The following PCNX1 variants were observed in gnomAD, a reference collection of about 807,000 sequenced individuals.
The protein encoded by PCNX1 is pecanex-like protein 1.
A neutral mutation model predicts 242.2 loss-of-function variants in PCNX1; 78 were observed. The observed-to-expected ratio is 0.32, with a 90% CI of 0.27 to 0.39. The LOEUF is 0.39. Ranked by LOEUF, PCNX1 falls within the 10% of genes least tolerant of loss-of-function variation. The pLI is 1.00. For synonymous variants in PCNX1, 1,024 were observed against 1,032.9 expected, an observed-to-expected ratio of 0.99 and a Z score of 0.17; for missense variants, 2,581 against 2,856.5, an observed-to-expected ratio of 0.90 and a Z score of 2.20.
At chr14:70,933,985 A>G (rs2056902844) in intron 1 of PCNX1, among the ~76,000 whole-genome samples, 1 of 152,244 alleles carries the variant, frequency 6.6e-6, no homozygotes, top group South Asian at 2.1e-4. Context: ...TGAAGGAGAT[A>G]GTGAAAGTTA....
At chr14:71,095,745 A>T (rs775220696) in intron 30 of PCNX1, among the ~76,000 whole-genome samples, 1 of 152,202 alleles carries the variant, frequency 6.6e-6, no homozygotes, top group Non-Finnish European at 1.5e-5. Flanking sequence ...GGCACCTCAC[A>T]GTTTTCAATG....
intron 28 of PCNX1, among the ~76,000 whole-genome samples, chr14:71,079,128 C>T (rs1240436595): frequency 6.6e-6 from 1 of 152,182 alleles, no homozygotes; most frequent in Admixed American, 6.5e-5. Flanking sequence ...TGTTAGTTTG[C>T]TAAGAATGAT....
intron 26 of PCNX1, among the ~76,000 whole-genome samples, chr14:71,063,556 C>T (rs1052797528): frequency 1.2e-4 from 18 of 152,246 alleles, no homozygotes; most frequent in African/African-American, 2.4e-4. Flanking sequence ...CTCTTGCTCA[C>T]ATGTTGATGT....
chr14:70,952,363 A>G (rs1042329732), intron 2 of PCNX1, among the ~76,000 whole-genome samples: 1 of 152,338 alleles, frequency 6.6e-6, no homozygotes, highest in East Asian at 1.9e-4. Context: ...GAAATAAAAC[A>G]TTATAAAAAT....
chr14:71,011,505 C>A lies in PCNX1; in HGVS notation c.2734C>A (p.His912Asn). 1 of 1,566,472 alleles carries A rather than the reference C, an allele frequency of 6.4e-7. No homozygotes were observed. Among genetic ancestry groups the A allele is most frequent in the Non-Finnish European group, 8.8e-7 (1 of 1,138,748 alleles). The change falls in exon 10 of 36, where the codon CAT becomes AAT. Residue 912 changes from histidine (H) to asparagine (N), a missense_variant. By Grantham distance (68) the His-to-Asn change is moderately conservative. Coordinates refer to ENST00000304743, the MANE Select transcript of PCNX1 (RefSeq NM_014982.3). ...ATTTTATTTTAGTGACACAGATTCT[C>A]ATGTATCCAGTTCTACCTCAGTTCG... is the stretch of plus-strand genomic sequence containing the variant. Reference protein sequence around the residue: ...RASNICDTDSHVSSSTSVRFY... With the variant: ...RASNICDTDSNVSSSTSVRFY...
chr14:70,955,876 GA>G (rs2057974327), intron 2 of PCNX1, among the ~76,000 whole-genome samples: 1 of 151,916 alleles, frequency 6.6e-6, no homozygotes, highest in African/African-American at 2.4e-5. Context: ...TTTTTTAAAT[GA>G]AAACCCCTGT....
At chr14:70,908,289 G>T (rs1399450034) in intron 1 of PCNX1, among the ~76,000 whole-genome samples, 1 of 152,138 alleles carries the variant, frequency 6.6e-6, no homozygotes, top group East Asian at 1.9e-4. Context: ...TCCCTCCTGC[G>T]GCCACTCGGC....
At chr14:71,047,684 G>A (rs2060902291) in intron 21 of PCNX1, 123 bp from the exon 22 acceptor site, 1 of 715,068 alleles carries the variant, frequency 1.4e-6, no homozygotes. Context: ...CATCATTTTT[G>A]GAAGCTTACA....
chr14:70,923,107 C>CACAT (rs34428722), intron 1 of PCNX1, among the ~76,000 whole-genome samples: 1 of 151,638 alleles, frequency 6.6e-6, no homozygotes, highest in African/African-American at 2.4e-5. Context: ...GACACACACA[C>CACAT]GTCTTTTTTC....
At chr14:70,925,239 T>G (rs745395150) in intron 1 of PCNX1, among the ~76,000 whole-genome samples, 4 of 152,198 alleles carry the variant, frequency 2.6e-5, no homozygotes, top group Non-Finnish European at 5.9e-5. Flanking sequence ...TCTGCCTGCT[T>G]CAGCCTCCCA....
At chr14:70,935,915 G>T (rs926883011) in intron 1 of PCNX1, among the ~76,000 whole-genome samples, 11 of 152,056 alleles carry the variant, frequency 7.2e-5, no homozygotes, top group Admixed American at 7.2e-4. Context: ...AGGAATTCTG[G>T]TTTTTATGAC....
chr14:71,021,806 A>G (rs998728687), intron 12 of PCNX1, among the ~76,000 whole-genome samples: 3 of 152,036 alleles, frequency 2.0e-5, no homozygotes, highest in Admixed American at 6.6e-5. Context: ...TTCACTTTTC[A>G]GATGACTCTC....
At chr14:70,919,957 A>C (rs995112901) in intron 1 of PCNX1, among the ~76,000 whole-genome samples, 7 of 151,826 alleles carry the variant, frequency 4.6e-5, no homozygotes, top group African/African-American at 1.7e-4. Context: ...GCCAAATAGA[A>C]CCCTGAGCGC....
chr14:71,108,926 C>T lies in PCNX1; in HGVS notation c.6624C>T (p.Leu2208=), dbSNP rs143226565. Residue 2208 remains leucine (L), a synonymous_variant, in exon 34 of 36, where the codon CTC becomes CTT. Transcript: ENST00000304743. The part of the protein sequence containing the change: ...QSIPACKHHT[L]VGFLATEGGQ... ...TCCCAGCCTGCAAACATCACACTCTCGTGGGCTTTCTTGCGACAGAGGGAG... is the reference window on the plus strand; with the variant it reads ...TCCCAGCCTGCAAACATCACACTCTTGTGGGCTTTCTTGCGACAGAGGGAG... 6.3e-4 allele frequency: 1,021 copies of T among 1,614,232 alleles called. 1 individual carries two copies. Among genetic ancestry groups the T allele is most frequent in the Non-Finnish European group, 8.1e-4 (961 of 1,180,030 alleles).
At chr14:70,958,286 AGTT>A (rs761522626) in intron 2 of PCNX1, among the ~76,000 whole-genome samples, 20 of 152,192 alleles carry the variant, frequency 1.3e-4, no homozygotes, top group Non-Finnish European at 2.2e-4. Context: ...AATGGCTTAG[AGTT>A]AGGAACCTGT....
At chr14:70,921,099 A>T (rs2056357215) in intron 1 of PCNX1, among the ~76,000 whole-genome samples, 1 of 152,208 alleles carries the variant, frequency 6.6e-6, no homozygotes, top group Admixed American at 6.5e-5. Flanking sequence ...AGCTTCTGAG[A>T]ATATTATTTA....
chr14:70,937,491 A>G (rs959278027), intron 1 of PCNX1, among the ~76,000 whole-genome samples: 7 of 152,046 alleles, frequency 4.6e-5, no homozygotes, highest in Admixed American at 1.3e-4. Context: ...CCATCGGTCT[A>G]TATCTCTGTT....
intron 28 of PCNX1, among the ~76,000 whole-genome samples, chr14:71,082,470 T>A (rs2061879185): frequency 6.6e-6 from 1 of 152,154 alleles, no homozygotes; most frequent in African/African-American, 2.4e-5. Flanking sequence ...AATCTCCCAC[T>A]ATGATTGTGT....
At chr14:70,917,275 C>T (rs1290568863) in intron 1 of PCNX1, among the ~76,000 whole-genome samples, 1 of 152,178 alleles carries the variant, frequency 6.6e-6, no homozygotes, top group Non-Finnish European at 1.5e-5. Context: ...TTCTTAATGG[C>T]ATCTAGAATG....
Sources: gnomAD v4.1 joint callset for allele counts (sites outside exome capture counted in the v4.1 genomes callset) on GRCh38, gnomAD v4.1.1 for gene constraint, MANE v1.5 for transcripts, NCBI Gene and HGNC (gene_info 2026-07-23, HGNC 2026-07-21) for gene names.